DAP: variants seen among roughly 807,000 people sequenced by gnomAD.
DAP encodes the protein death-associated protein 1.
In DAP, 8 loss-of-function variants were observed where a neutral mutation model predicts 13.8. That is an observed-to-expected ratio of 0.58 (90% CI 0.34 to 1.05). The LOEUF (loss-of-function observed/expected upper bound fraction) is 1.05. DAP is among the 50% of genes least tolerant of loss of function. DAP has a pLI of 0.03. For synonymous variants in DAP, 47 were observed against 47.5 expected (o/e 0.99, Z 0.04); for missense variants, 106 against 133.2 (o/e 0.80, Z 1.01).
intron 2 of DAP, among the ~76,000 whole-genome samples, chr5:10,730,634 G>A: frequency 7.3e-6 from 1 of 137,718 alleles, no homozygotes; most frequent in East Asian, 2.4e-4. Flanking sequence ...TCTCTATTGA[G>A]AGCCCTGGTA....
chr5:10,713,570 C>G (rs60022090), intron 2 of DAP, among the ~76,000 whole-genome samples: 8 of 152,204 alleles, frequency 5.3e-5, no homozygotes, highest in Admixed American at 1.3e-4. Flanking sequence ...TAAGAAGCCC[C>G]CCTGAGAGCT....
intron 3 of DAP, among the ~76,000 whole-genome samples, chr5:10,682,164 G>A (rs1738033581): frequency 6.6e-6 from 1 of 151,586 alleles, no homozygotes; most frequent in Admixed American, 6.6e-5. Context: ...CATGGTGTTT[G>A]TGGGTGAGGA....
At chr5:10,740,147 C>G (rs1052071402) in intron 2 of DAP, among the ~76,000 whole-genome samples, 5 of 152,078 alleles carry the variant, frequency 3.3e-5, no homozygotes, top group Admixed American at 3.3e-4. Context: ...AAATGAAAAA[C>G]AGGATATCAA....
intron 2 of DAP, among the ~76,000 whole-genome samples, chr5:10,724,646 T>C (rs922463480): frequency 6.6e-6 from 1 of 152,204 alleles, no homozygotes; most frequent in African/African-American, 2.4e-5. Flanking sequence ...TTAAGAGTCA[T>C]AAATGTGGTC....
intron 2 of DAP, among the ~76,000 whole-genome samples, chr5:10,725,177 C>T (rs926373291): frequency 6.6e-6 from 1 of 152,158 alleles, no homozygotes; most frequent in African/African-American, 2.4e-5. Context: ...TTCCACTTAT[C>T]GTCATCATGA....
intron 1 of DAP, among the ~76,000 whole-genome samples, chr5:10,752,061 A>T (rs1301302326): frequency 6.6e-6 from 1 of 152,258 alleles, no homozygotes; most frequent in African/African-American, 2.4e-5. Context: ...GAGCTGTGCA[A>T]CTAACTATAA....
intron 2 of DAP, among the ~76,000 whole-genome samples, chr5:10,690,952 C>CTGTT (rs1187053818): frequency 6.6e-6 from 1 of 151,480 alleles, no homozygotes; most frequent in African/African-American, 2.4e-5. Context: ...TCGTTGTTTT[C>CTGTT]TGTTTTGTTT....
At chr5:10,686,055 CATT>C (rs923584490) in intron 2 of DAP, among the ~76,000 whole-genome samples, 5 of 152,198 alleles carry the variant, frequency 3.3e-5, no homozygotes, top group African/African-American at 1.2e-4. Flanking sequence ...TGTCCATCTT[CATT>C]ATTATTATGT....
intron 2 of DAP, among the ~76,000 whole-genome samples, chr5:10,718,186 C>T (rs562588335): frequency 1.6e-4 from 24 of 152,288 alleles, no homozygotes; most frequent in Middle Eastern, 3.4e-3. Context: ...TCTGAGCTGA[C>T]GTTGATTCCA....
intron 2 of DAP, among the ~76,000 whole-genome samples, chr5:10,712,635 G>C (rs192151482): frequency 1.3e-5 from 2 of 152,248 alleles, no homozygotes. Context: ...GACTGGGCAG[G>C]GCCTTAAATG....
At chr5:10,752,701 T>G (rs185878402) in intron 1 of DAP, among the ~76,000 whole-genome samples, 2 of 152,198 alleles carry the variant, frequency 1.3e-5, no homozygotes, top group Non-Finnish European at 2.9e-5. Context: ...CATACGTATG[T>G]GCTTGTGTGT....
At chr5:10,739,165 G>A (rs1036783582) in intron 2 of DAP, among the ~76,000 whole-genome samples, 2 of 117,278 alleles carry the variant, frequency 1.7e-5, no homozygotes, top group East Asian at 4.9e-4. Flanking sequence ...TCGCACTACT[G>A]CATTCCAGCC....
At position 10,731,165 on chromosome 5, in the gene DAP, T is replaced by A. The variant is rs1273498806; in HGVS notation, c.152+17010A>T. On this transcript the variant is annotated intron_variant, in intron 2 of 3. Transcript: ENST00000230895. Reference sequence around the variant, plus strand: ...AATCTTTCTCTACTGAGAGCCCTAGTGAGGGGGAATCTTTCTGTACTGAGA... The same window carrying A: ...AATCTTTCTCTACTGAGAGCCCTAGAGAGGGGGAATCTTTCTGTACTGAGA... 3.2e-5 allele frequency among the ~76,000 whole-genome samples: 3 copies of A among 93,060 alleles called. No individual in the cohort carries two copies. The Admixed American group carries it at 3.7e-4, about 12-fold the overall frequency. 61.1% of individuals were successfully genotyped at this position (93,060 alleles called of 152,430 possible).
intron 2 of DAP, among the ~76,000 whole-genome samples, chr5:10,714,159 G>T (rs781732628): frequency 6.6e-5 from 10 of 152,100 alleles, no homozygotes; most frequent in Non-Finnish European, 1.3e-4. Context: ...TAATCTAATG[G>T]GCCCAGAAAT....
Position 10,707,271 on chromosome 5 carries a change from T to G in DAP, c.153-23700A>C, listed in dbSNP as rs2126649013. 6.6e-6 allele frequency among the ~76,000 whole-genome samples: 1 copy of G among 152,358 alleles called. No individual in the cohort carries two copies. The highest frequency in any genetic ancestry group is 2.1e-4 in the South Asian group (1 of 4,830). On this transcript the variant is annotated intron_variant, in intron 2 of 3. Transcript: ENST00000230895. The surrounding 1 kb of genome is among the most constrained non-coding windows in gnomAD (Gnocchi z 4.0). ...GATTTCAGCTGATATCTGAAAGGTG[T>G]AGCTTAGTCAGCTGAGCAAGTGTTG...
At chr5:10,711,648 G>A (rs1212905861) in intron 2 of DAP, among the ~76,000 whole-genome samples, 1 of 152,128 alleles carries the variant, frequency 6.6e-6, no homozygotes, top group Non-Finnish European at 1.5e-5. Context: ...CCCTCCAACT[G>A]TCTATCCCCA....
chr5:10,685,627 G>A (rs564767620), intron 2 of DAP, among the ~76,000 whole-genome samples: 20 of 152,294 alleles, frequency 1.3e-4, no homozygotes, highest in African/African-American at 4.6e-4. Context: ...CTCTGGTAGC[G>A]AATCATATAG....
intron 1 of DAP, among the ~76,000 whole-genome samples, chr5:10,757,844 ACTCTGGAGTG>A (rs1740230502): frequency 6.6e-6 from 1 of 151,940 alleles, no homozygotes; most frequent in Admixed American, 6.6e-5. Context: ...CCCTGGGGAA[ACTCTGGAGTG>A]CTTATTGAGT....
chr5:10,728,268 C>T (rs1739342008), intron 2 of DAP, among the ~76,000 whole-genome samples: 1 of 152,018 alleles, frequency 6.6e-6, no homozygotes. Flanking sequence ...TTTGAATTCA[C>T]TGGGAATTTG....
Sources: gnomAD v4.1 joint callset for allele counts (sites outside exome capture counted in the v4.1 genomes callset) on GRCh38, gnomAD v4.1.1 for gene constraint, Gnocchi (gnomAD v3.1) non-coding constraint, MANE v1.5 for transcripts, NCBI Gene and HGNC (gene_info 2026-07-23, HGNC 2026-07-21) for gene names.